Variants in SPINK5 observed in about 807,000 individuals in gnomAD.
SPINK5 encodes serine protease inhibitor Kazal-type 5.
Under a neutral mutation model 151.8 loss-of-function variants are expected in SPINK5, and 125 were observed. The ratio of observed to expected loss-of-function variants is 0.82; its 90% CI spans 0.71 to 0.96. The LOEUF is 0.96. Ranked by LOEUF, SPINK5 falls within the 40% of genes least tolerant of loss-of-function variation. SPINK5 has a pLI of 0.00. For missense variants in SPINK5, 1,194 were observed against 1,291.9 expected, an observed-to-expected ratio of 0.92 and a Z score of 1.16; for synonymous variants, 374 against 395.3, an observed-to-expected ratio of 0.95 and a Z score of 0.64.
chr5:148,116,239 C>A, intron 21 of SPINK5, 131 bp from the exon 22 acceptor site: 1 of 868,380 alleles, frequency 1.2e-6, no homozygotes, highest in African/African-American at 1.7e-5. Flanking sequence ...AGGCCTGCAG[C>A]ATAGTAGATG....
At chr5:148,105,580 C>T (rs1405954989) in intron 16 of SPINK5, among the ~76,000 whole-genome samples, 1 of 151,838 alleles carries the variant, frequency 6.6e-6, no homozygotes, top group Non-Finnish European at 1.5e-5. Context: ...GAATTATTCT[C>T]ATATAATAGC....
intron 31 of SPINK5, among the ~76,000 whole-genome samples, chr5:148,133,009 A>AT (rs1754610522): frequency 6.6e-6 from 1 of 152,096 alleles, no homozygotes; most frequent in African/African-American, 2.4e-5. Context: ...TATCCATATA[A>AT]TTTTCTTCAA....
intron 4 of SPINK5, among the ~76,000 whole-genome samples, chr5:148,077,850 A>G (rs543078135): frequency 5.3e-5 from 8 of 151,092 alleles, no homozygotes. Context: ...GGAATTATAA[A>G]GGTGTACTAG....
At chr5:148,108,982 A>G (rs767599902) in intron 18 of SPINK5, 145 bp downstream of exon 18, 123 of 1,394,006 alleles carry the variant, frequency 8.8e-5, no homozygotes, top group Admixed American at 2.0e-5. Context: ...ATACAAGAGT[A>G]CTCCCCTTTC....
chr5:148,119,117 T>G (rs1021713321), intron 24 of SPINK5, 59 bp downstream of exon 24: 1 of 1,506,134 alleles, frequency 6.6e-7, no homozygotes, highest in Non-Finnish European at 9.2e-7. Flanking sequence ...CAGTTGGCGA[T>G]CAAAACTATA....
intron 32 of SPINK5, among the ~76,000 whole-genome samples, chr5:148,134,811 A>T (rs1321599367): frequency 6.6e-6 from 1 of 152,066 alleles, no homozygotes; most frequent in Non-Finnish European, 1.5e-5. Context: ...AAAGCTATTT[A>T]TTATTATTCA....
intron 15 of SPINK5, among the ~76,000 whole-genome samples, chr5:148,102,458 G>A (rs1438916754): frequency 6.6e-6 from 1 of 152,062 alleles, no homozygotes; most frequent in African/African-American, 2.4e-5. Context: ...TCATCACAAT[G>A]TATACATATA....
At chr5:148,069,382 G>C (rs986495) in intron 2 of SPINK5, among the ~76,000 whole-genome samples, 106,359 of 151,612 alleles carry the variant, frequency 0.7, 37,771 homozygotes, top group East Asian at 0.91. Flanking sequence ...TTGTATAACG[G>C]AGTTATTGGT....
intron 26 of SPINK5, 121 bp from the exon 27 acceptor site, chr5:148,123,712 T>C: frequency 7.0e-7 from 1 of 1,419,056 alleles, no homozygotes; most frequent in Non-Finnish European, 9.7e-7. Context: ...ATTTCTTCTC[T>C]GAAATTTCAC....
chr5:148,109,518 T>C (rs1862443), intron 18 of SPINK5, among the ~76,000 whole-genome samples: 22,006 of 149,834 alleles, frequency 0.15, 2,133 homozygotes, highest in East Asian at 0.32. Flanking sequence ...TTAACATAAA[T>C]ATTATATGAT....
chr5:148,118,445 T>C lies in SPINK5; in HGVS notation c.2121T>C (p.Cys707=). 6.2e-7 allele frequency: 1 copy of C among 1,614,148 alleles called. No homozygotes were observed. Among genetic ancestry groups the C allele is most frequent in the Non-Finnish European group, 8.5e-7 (1 of 1,179,994 alleles). ...TTCTTCTCTGTTTTCAGGACGAATG[T>C]GCTGAGTATCGGGAACAAATGAAAA... The part of the protein sequence containing the change: ...GGGGGNTQDE[C]AEYREQMKNG... Residue 707 remains cysteine, a synonymous_variant, in exon 23 of 33, where the codon TGT becomes TGC. Coordinates refer to ENST00000256084, the MANE Select transcript of SPINK5 (RefSeq NM_006846.4).
At chr5:148,099,441 G>T (rs2113112046) in intron 12 of SPINK5, 126 bp downstream of exon 12, 2 of 719,632 alleles carry the variant, frequency 2.8e-6, no homozygotes, top group East Asian at 2.9e-5. Flanking sequence ...TCTGGGGATG[G>T]TATTGAGATG....
intron 24 of SPINK5, 75 bp from the exon 25 acceptor site, chr5:148,119,934 A>G: frequency 6.4e-7 from 1 of 1,559,646 alleles, no homozygotes; most frequent in Admixed American, 1.7e-5. Flanking sequence ...CTTGGAAAGA[A>G]ATCCTCTGAT....
chr5:148,127,976 A>G (rs971491277), intron 30 of SPINK5, among the ~76,000 whole-genome samples: 114 of 152,292 alleles, frequency 7.5e-4, no homozygotes, highest in African/African-American at 2.6e-3. Context: ...AGGAGCAAAG[A>G]GGATATGAGA....
chr5:148,119,141 A>T (rs1754185046), intron 24 of SPINK5, 83 bp downstream of exon 24: 1 of 1,352,652 alleles, frequency 7.4e-7, no homozygotes, highest in African/African-American at 1.4e-5. Flanking sequence ...GAAGGTGTCA[A>T]CATGATCAAG....
intron 6 of SPINK5, 90 bp downstream of exon 6, chr5:148,088,695 C>T (rs745822158): frequency 2.9e-5 from 38 of 1,290,324 alleles, no homozygotes; most frequent in South Asian, 4.9e-5. Context: ...TAGGTGGGAG[C>T]CTTGGAAGGA....
intron 30 of SPINK5, among the ~76,000 whole-genome samples, chr5:148,128,474 C>T (rs1341546776): frequency 6.6e-6 from 1 of 152,116 alleles, no homozygotes; most frequent in African/African-American, 2.4e-5. Context: ...TGTCAGTCTA[C>T]AAATACTTAC....
intron 8 of SPINK5, among the ~76,000 whole-genome samples, chr5:148,092,414 T>G (rs1207088083): frequency 1.3e-5 from 2 of 151,954 alleles, no homozygotes; most frequent in Admixed American, 6.6e-5. Flanking sequence ...GTCTAAAACT[T>G]TGGGTCATCC....
intron 4 of SPINK5, among the ~76,000 whole-genome samples, chr5:148,078,635 G>T (rs1362759752): frequency 6.6e-6 from 1 of 150,404 alleles, no homozygotes; most frequent in African/African-American, 2.4e-5. Flanking sequence ...AAAATGAATC[G>T]TGAAAATCCC....
Sources: allele counts gnomAD v4.1 joint callset (sites outside exome capture counted in the v4.1 genomes callset), GRCh38; gene constraint gnomAD v4.1.1; transcripts MANE v1.5; gene names NCBI Gene and HGNC (gene_info 2026-07-23, HGNC 2026-07-21).